The following ROR1 variants were observed in gnomAD, a reference collection of about 807,000 sequenced individuals.
ROR1 encodes the protein ROR family WNT receptor 1.
Under a neutral mutation model 78.8 loss-of-function variants are expected in ROR1, and 19 were observed. The observed-to-expected ratio is 0.24, with a 90% confidence interval of 0.17 to 0.35. The LOEUF (loss-of-function observed/expected upper bound fraction) is 0.35. Ranked by LOEUF, ROR1 falls within the 10% of genes least tolerant of loss-of-function variation. The pLI, the probability that ROR1 is intolerant of heterozygous loss-of-function variation, is 1.00. For missense variants in ROR1, 917 were observed against 1,177.8 expected (o/e 0.78, Z 3.24); for synonymous variants, 386 against 433.6 (o/e 0.89, Z 1.36).
At chr1:63,975,738 G>A (rs1646154744) in intron 1 of ROR1, among the ~76,000 whole-genome samples, 1 of 152,126 alleles carries the variant, frequency 6.6e-6, no homozygotes, top group Non-Finnish European at 1.5e-5. Flanking sequence ...TATACAATCT[G>A]CTAAAGCTGA....
intron 4 of ROR1, among the ~76,000 whole-genome samples, chr1:64,075,419 T>C (rs1268767570): frequency 6.6e-6 from 1 of 152,226 alleles, no homozygotes; most frequent in African/African-American, 2.4e-5. Context: ...CATCTGTCCT[T>C]ATACGATGTT....
intron 7 of ROR1, among the ~76,000 whole-genome samples, chr1:64,156,705 C>CAA (rs140451468): frequency 3.2e-5 from 3 of 92,630 alleles, no homozygotes; most frequent in African/African-American, 8.5e-5. Flanking sequence ...GACTCCGTCT[C>CAA]AAAAAAAAAA....
intron 1 of ROR1, among the ~76,000 whole-genome samples, chr1:64,005,445 T>C (rs1050084614): frequency 9.2e-5 from 14 of 152,246 alleles, no homozygotes; most frequent in Non-Finnish European, 1.5e-4. Flanking sequence ...AAATGGCACA[T>C]ACACATTTGC....
intron 4 of ROR1, among the ~76,000 whole-genome samples, chr1:64,058,590 G>T (rs544922516): frequency 1.7e-5 from 1 of 57,512 alleles, no homozygotes; most frequent in African/African-American, 7.1e-5. Context: ...TTAGATGATC[G>T]TGGTGGGTTT....
rs1650484502 is a variant in ROR1, at chr1:64,179,177, A to G, written c.*322A>G. 2 of 233,926 alleles carry G rather than the reference A, an allele frequency of 8.5e-6. No homozygotes were observed. The highest frequency in any genetic ancestry group is 4.6e-5 in the African/African-American group (2 of 43,380). The allele number at this position is 233,926 out of a possible 1,614,324, so 14.5% of individuals were successfully genotyped here. A position where few individuals can be genotyped will look rare whatever the true frequency, so the allele number is the denominator to read the frequency against. On this transcript the variant is annotated 3_prime_UTR_variant, in exon 9 of 9. Transcript: ENST00000371079. ...GAGGAAAAGAACCTTGTGATTAAAT[A>G]TAAAACCAAAAGTCAAATGGTGCTT...
chr1:64,151,255 G>A (rs1391426089), intron 7 of ROR1, among the ~76,000 whole-genome samples: 2 of 152,192 alleles, frequency 1.3e-5, no homozygotes, highest in Non-Finnish European at 2.9e-5. Context: ...ACTGAAGAGA[G>A]GGCTGTCCAG....
chr1:64,068,750 A>T (rs543564780), intron 4 of ROR1, among the ~76,000 whole-genome samples: 13 of 152,196 alleles, frequency 8.5e-5, no homozygotes, highest in African/African-American at 2.6e-4. Context: ...TTTTTTTTTC[A>T]TACCTAACTG....
At chr1:64,147,141 C>T (rs568128744) in intron 7 of ROR1, among the ~76,000 whole-genome samples, 14 of 152,248 alleles carry the variant, frequency 9.2e-5, no homozygotes, top group East Asian at 5.8e-4. Context: ...AAAATCTTCC[C>T]GTGCTGATGA....
At chr1:63,988,288 C>T (rs1475381315) in intron 1 of ROR1, among the ~76,000 whole-genome samples, 3 of 152,062 alleles carry the variant, frequency 2.0e-5, no homozygotes, top group East Asian at 1.9e-4. Context: ...TTTTTACTTC[C>T]GTAATTGATG....
intron 4 of ROR1, among the ~76,000 whole-genome samples, chr1:64,102,963 T>G (rs996807058): frequency 6.6e-6 from 1 of 152,164 alleles, no homozygotes; most frequent in African/African-American, 2.4e-5. Context: ...ATCACCCCCC[T>G]GTTGAGAATC....
At chr1:64,161,319 T>C (rs11208372) in intron 8 of ROR1, among the ~76,000 whole-genome samples, 50,575 of 152,066 alleles carry the variant, frequency 0.33, 8,791 homozygotes, top group Middle Eastern at 0.41. Context: ...TAAATAGAGC[T>C]GGCCCTTGCT....
intron 1 of ROR1, among the ~76,000 whole-genome samples, chr1:63,935,467 T>C (rs1267543979): frequency 6.6e-6 from 1 of 152,132 alleles, no homozygotes; most frequent in Non-Finnish European, 1.5e-5. Context: ...CTAGGTGTGC[T>C]GAACTAAGTA....
At chr1:64,114,907 A>G (rs893327040) in intron 4 of ROR1, among the ~76,000 whole-genome samples, 24 of 152,182 alleles carry the variant, frequency 1.6e-4, no homozygotes, top group Non-Finnish European at 2.9e-4. Flanking sequence ...TTTGCCTTTT[A>G]TATTGTTATA....
intron 2 of ROR1, among the ~76,000 whole-genome samples, chr1:64,034,796 A>G (rs1490284013): frequency 1.3e-5 from 2 of 152,230 alleles, no homozygotes; most frequent in East Asian, 3.8e-4. Flanking sequence ...ATTAAAATAT[A>G]TAAATAAATA....
intron 4 of ROR1, among the ~76,000 whole-genome samples, chr1:64,081,586 G>A (rs956719436): frequency 6.6e-6 from 1 of 151,850 alleles, no homozygotes; most frequent in Non-Finnish European, 1.5e-5. Flanking sequence ...AGACCAGCCT[G>A]AGCAACATAG....
intron 1 of ROR1, among the ~76,000 whole-genome samples, chr1:63,866,828 A>G (rs538731642): frequency 6.6e-6 from 1 of 152,306 alleles, no homozygotes; most frequent in East Asian, 1.9e-4. Context: ...TTCTGTACAG[A>G]AAGTTATTTT....
At chr1:63,842,202 A>G (rs1645053525) in intron 1 of ROR1, among the ~76,000 whole-genome samples, 1 of 152,194 alleles carries the variant, frequency 6.6e-6, no homozygotes, top group Non-Finnish European at 1.5e-5. Flanking sequence ...TCCCCTAAAT[A>G]TCATCAAGAA....
At chr1:63,951,881 G>T (rs1269929471) in intron 1 of ROR1, among the ~76,000 whole-genome samples, 1 of 152,020 alleles carries the variant, frequency 6.6e-6, no homozygotes, top group South Asian at 2.1e-4. Flanking sequence ...AAGAAAATTG[G>T]TGTAGACGAG....
intron 1 of ROR1, among the ~76,000 whole-genome samples, chr1:63,858,309 C>T: frequency 6.6e-6 from 1 of 152,128 alleles, no homozygotes; most frequent in East Asian, 1.9e-4. Flanking sequence ...AAGACATCTC[C>T]ATCCTTCCCT....
Sources: gnomAD v4.1 joint callset for allele counts (sites outside exome capture counted in the v4.1 genomes callset) on GRCh38, gnomAD v4.1.1 for gene constraint, MANE v1.5 for transcripts, NCBI Gene and HGNC (gene_info 2026-07-23, HGNC 2026-07-21) for gene names.